The following SYNPR variants were observed in gnomAD, a reference collection of about 807,000 sequenced individuals.
The protein encoded by SYNPR is synaptoporin.
A neutral mutation model predicts 32.9 loss-of-function variants in SYNPR; 23 were observed. That is an observed-to-expected ratio of 0.70 (90% confidence interval 0.50 to 0.99). The LOEUF (loss-of-function observed/expected upper bound fraction) is 0.99. Ranked by LOEUF, SYNPR falls within the 50% of genes least tolerant of loss-of-function variation. The pLI, the probability that SYNPR is intolerant of heterozygous loss-of-function variation, is 0.00. For missense variants in SYNPR, 318 were observed against 349.3 expected (o/e 0.91, Z 0.71); for synonymous variants, 146 against 135.9 (o/e 1.07, Z -0.52).
Position 63,249,171 on chromosome 3 carries a change from CAGAATATCTGTGA to C in SYNPR, n.67-3327_67-3315del, listed in dbSNP as rs1560168006. Among the ~76,000 whole-genome samples, 26 of 152,066 alleles carry C rather than the reference CAGAATATCTGTGA, an allele frequency of 1.7e-4. No homozygotes were observed. The East Asian group carries it at 3.3e-3, about 19-fold the overall frequency. ...TCAGGGAATGTAAGACGCAAAAGGC[CAGAATATCTGTGA>C]GAATATGTTCAATCACTCGTATAAC... On this transcript the variant is annotated intron_variant and non_coding_transcript_variant, in intron 1 of 4. Coordinates refer to the SYNPR transcript ENST00000478456.
intron 3 of SYNPR, among the ~76,000 whole-genome samples, chr3:63,547,058 G>A (rs531595414): frequency 3.0e-4 from 45 of 152,082 alleles, no homozygotes; most frequent in Non-Finnish European, 5.4e-4. Context: ...GACCTTCCTG[G>A]AAACAAATAG....
intron 2 of SYNPR, among the ~76,000 whole-genome samples, chr3:63,265,238 A>ATTATTTTTTTTTTTT (rs1560172997): frequency 1.1e-5 from 1 of 87,896 alleles, no homozygotes; most frequent in Non-Finnish European, 2.3e-5. Context: ...TTCTAATGAC[A>ATTATTTTTTTTTTTT]TTCTTTTTTT....
chr3:63,452,339 A>C (rs1700394245), intron 2 of SYNPR, among the ~76,000 whole-genome samples: 2 of 152,180 alleles, frequency 1.3e-5, no homozygotes, highest in Non-Finnish European at 2.9e-5. Context: ...GTAAGTGCTA[A>C]AAATAAAAGC....
At chr3:63,395,757 T>C (rs771759451) in intron 2 of SYNPR, among the ~76,000 whole-genome samples, 6 of 152,222 alleles carry the variant, frequency 3.9e-5, no homozygotes, top group Non-Finnish European at 7.3e-5. Context: ...GCTATTTCAG[T>C]GTACGTAGCT....
chr3:63,341,500 A>ATTC (rs1355131158), intron 2 of SYNPR, among the ~76,000 whole-genome samples: 1 of 152,224 alleles, frequency 6.6e-6, no homozygotes, highest in Non-Finnish European at 1.5e-5. Flanking sequence ...ATTACTCCAC[A>ATTC]TTCTCATCAG....
At chr3:63,378,603 T>C (rs1431269965) in intron 2 of SYNPR, among the ~76,000 whole-genome samples, 1 of 152,082 alleles carries the variant, frequency 6.6e-6, no homozygotes, top group Non-Finnish European at 1.5e-5. Flanking sequence ...TTTTATTCTG[T>C]TCTGTTTCAA....
chr3:63,551,951 GC>G (rs1432833543), intron 3 of SYNPR, among the ~76,000 whole-genome samples: 1 of 151,858 alleles, frequency 6.6e-6, no homozygotes, highest in Non-Finnish European at 1.5e-5. Context: ...AGGCTGAGGT[GC>G]AATGGCCTGG....
At position 63,595,246 on chromosome 3, in the gene SYNPR, T is replaced by C. The variant is rs577758830; in HGVS notation, c.409-13879T>C. ...CTCCTTGGAGCTGGCCATTTGCACA[T>C]GATTAGAGACTTTCTGACTTCAATT... On this transcript the variant is annotated intron_variant, in intron 4 of 5. Transcript: ENST00000478300. 1.1e-4 allele frequency among the ~76,000 whole-genome samples: 17 copies of C among 152,180 alleles called. No homozygotes were observed. The East Asian group carries it at 3.3e-3, about 30-fold the overall frequency.
intron 2 of SYNPR, among the ~76,000 whole-genome samples, chr3:63,327,165 G>A (rs2087176411): frequency 6.6e-6 from 1 of 152,046 alleles, no homozygotes; most frequent in South Asian, 2.1e-4. Context: ...AAGTAGAATG[G>A]AGATAAATAT....
chr3:63,492,043 T>C (rs955263492), intron 3 of SYNPR, among the ~76,000 whole-genome samples: 1 of 152,048 alleles, frequency 6.6e-6, no homozygotes, highest in Non-Finnish European at 1.5e-5. Flanking sequence ...AGAGGAGGCG[T>C]CTAGTGAGTT....
At chr3:63,243,379 C>T (rs2086262449) in intron 1 of SYNPR, among the ~76,000 whole-genome samples, 1 of 151,968 alleles carries the variant, frequency 6.6e-6, no homozygotes, top group South Asian at 2.1e-4. Context: ...AAGACAGAGT[C>T]AACAATAATA....
At chr3:63,464,488 C>T (rs1478426236) in intron 2 of SYNPR, among the ~76,000 whole-genome samples, 1 of 152,048 alleles carries the variant, frequency 6.6e-6, no homozygotes, top group Non-Finnish European at 1.5e-5. Context: ...CCTCAAATAC[C>T]TAATCTTCAC....
rs1256892929 is a variant in SYNPR at position 63,452,136 on chromosome 3, G to C, written c.85-28696G>C. 7.1e-6 allele frequency: 5 copies of C among 701,268 alleles called. No individual in the cohort carries two copies. In the African/African-American group the frequency reaches 8.8e-5, roughly 12 times the overall value. 43.4% of individuals were successfully genotyped at this position (701,268 alleles called of 1,614,324 possible). A position where few individuals can be genotyped will look rare whatever the true frequency, so the allele number is the denominator to read the frequency against. On this transcript the variant is annotated intron_variant, in intron 2 of 5. Transcript: ENST00000478300. Reference sequence around the variant, plus strand: ...AAAAGGCAAGAATGTTTTCTTATTTGCTCACTCATTCATTTGTTCGTATGT... The same window carrying C: ...AAAAGGCAAGAATGTTTTCTTATTTCCTCACTCATTCATTTGTTCGTATGT...
In SYNPR at chr3:63,615,376, C is replaced by T. The variant is rs1037703301; in HGVS notation, c.753C>T (p.Ser251=). The change falls in exon 6 of 6, where the codon AGC becomes AGT. Residue 251 remains serine, a synonymous_variant. Transcript: ENST00000478300. ...ATCAAGGTGGTTACAACCAAGACAG[C>T]TATGGATCAAGCAGTGGGTACAGTC... is the stretch of plus-strand genomic sequence containing the variant. ...SYNQGGYNQD[S]YGSSSGYSQQ... is the part of the protein sequence containing the mutation. 4 of 1,613,812 alleles carry T rather than the reference C, an allele frequency of 2.5e-6. No individual in the cohort carries two copies. The Admixed American group carries it at 5.0e-5, about 20-fold the overall frequency.
intron 2 of SYNPR, among the ~76,000 whole-genome samples, chr3:63,301,652 G>C (rs1286848379): frequency 6.6e-6 from 1 of 152,006 alleles, no homozygotes; most frequent in Admixed American, 6.6e-5. Flanking sequence ...ATTATAATTT[G>C]TACAGTTCTT....
intron 4 of SYNPR, among the ~76,000 whole-genome samples, chr3:63,603,680 C>T (rs546890201): frequency 3.9e-5 from 6 of 152,288 alleles, no homozygotes; most frequent in African/African-American, 1.4e-4. Context: ...AACCTTGCAT[C>T]CCAGGGATAA....
At chr3:63,363,182 T>G (rs1347843021) in intron 2 of SYNPR, among the ~76,000 whole-genome samples, 1 of 152,208 alleles carries the variant, frequency 6.6e-6, no homozygotes, top group African/African-American at 2.4e-5. Flanking sequence ...CATTTTAAAA[T>G]TTTTTACTTT....
chr3:63,292,359 G>A (rs2086748525), intron 2 of SYNPR, among the ~76,000 whole-genome samples: 1 of 151,996 alleles, frequency 6.6e-6, no homozygotes, highest in South Asian at 2.1e-4. Flanking sequence ...GTTTGTGTTG[G>A]GAACATTCAA....
At chr3:63,377,122 A>G (rs542809238) in intron 2 of SYNPR, among the ~76,000 whole-genome samples, 1 of 152,352 alleles carries the variant, frequency 6.6e-6, no homozygotes, top group South Asian at 2.1e-4. Flanking sequence ...AGGTTAAAAT[A>G]AAATCCAAGA....
Sources: allele counts gnomAD v4.1 joint callset (sites outside exome capture counted in the v4.1 genomes callset), GRCh38; gene constraint gnomAD v4.1.1; transcripts MANE v1.5; gene names NCBI Gene and HGNC (gene_info 2026-07-23, HGNC 2026-07-21).